PPP1R37: variants seen among roughly 807,000 people sequenced by gnomAD.
The protein encoded by PPP1R37 is leucine rich repeat containing 68.
PPP1R37 carries 21 observed loss-of-function variants against 61.0 expected under a neutral mutation model. That is an observed-to-expected ratio of 0.34 (90% CI 0.24 to 0.50). The LOEUF is 0.50. Ranked by LOEUF, PPP1R37 falls within the 20% of genes least tolerant of loss-of-function variation. The pLI is 0.98. For synonymous variants in PPP1R37, 443 were observed against 433.5 expected, an observed-to-expected ratio of 1.02 and a Z score of -0.27; for missense variants, 910 against 952.7, an observed-to-expected ratio of 0.96 and a Z score of 0.59.
intron 1 of PPP1R37, among the ~76,000 whole-genome samples, chr19:45,119,445 G>T (rs969770544): frequency 6.6e-6 from 1 of 152,128 alleles, no homozygotes; most frequent in African/African-American, 2.4e-5. Context: ...GAGCCACGGT[G>T]CCTGGCCCGT....
At chr19:45,096,965 C>A (rs912943893) in intron 1 of PPP1R37, among the ~76,000 whole-genome samples, 1 of 151,672 alleles carries the variant, frequency 6.6e-6, no homozygotes. Flanking sequence ...AAGGGATTTG[C>A]AGGACAGAAA....
chr19:45,133,523 G>A (rs567170239), intron 1 of PPP1R37, among the ~76,000 whole-genome samples: 1 of 152,338 alleles, frequency 6.6e-6, no homozygotes, highest in South Asian at 2.1e-4. Context: ...GGCCACAGCT[G>A]TGCCCTAACC....
rs1037191621 is a variant in PPP1R37, at chr19:45,130,555, C to T, written c.203-7959C>T. On this transcript the variant is annotated intron_variant, in intron 1 of 12. Coordinates refer to ENST00000221462, the MANE Select transcript of PPP1R37 (RefSeq NM_019121.2). This position sits in a 1 kb window ranked among gnomAD's most constrained non-coding sequence, Gnocchi z 4.4. The stretch of plus-strand genomic sequence containing the variant: ...CTGAATGAAGACCCAGACCTGAGCC[C>T]GGTGGGGCCTCTGGGAACACTCCTT... Among the ~76,000 whole-genome samples, 21 of 152,248 alleles carry T rather than the reference C, an allele frequency of 1.4e-4. No individual in the cohort carries two copies. Among genetic ancestry groups the T allele is most frequent in the Admixed American group, 2.6e-4 (4 of 15,304 alleles).
Position 45,130,929 on chromosome 19 carries a change from C to T in PPP1R37, c.203-7585C>T, listed in dbSNP as rs1440908541. Among the ~76,000 whole-genome samples, 2 of 152,130 alleles carry T rather than the reference C, an allele frequency of 1.3e-5. No individual in the cohort carries two copies. Among genetic ancestry groups the T allele is most frequent in the African/African-American group, 4.8e-5 (2 of 41,418 alleles). On this transcript the variant is annotated intron_variant, in intron 1 of 12. Coordinates refer to ENST00000221462, the MANE Select transcript of PPP1R37 (RefSeq NM_019121.2). This position sits in a 1 kb window ranked among gnomAD's most constrained non-coding sequence, Gnocchi z 4.4. ...AGAGTTGACACCCTCCCACTGTGTC[C>T]CCCAGCCCGCACAGTGTTGCTTCCT...
chr19:45,134,584 A>G (rs533981263), intron 1 of PPP1R37, among the ~76,000 whole-genome samples: 13 of 148,540 alleles, frequency 8.8e-5, no homozygotes, highest in South Asian at 4.3e-4. Context: ...TTCTTGAGAC[A>G]GAGTCACTCT....
Position 45,140,791 on chromosome 19 carries a change from C to A in PPP1R37, c.447+185C>A, listed in dbSNP as rs916063525. 1.5e-5 allele frequency: 9 copies of A among 590,084 alleles called. No homozygotes were observed. The East Asian group carries it at 2.2e-4, about 15-fold the overall frequency. 36.6% of individuals were successfully genotyped at this position (590,084 alleles called of 1,614,324 possible). Reference sequence around the variant, plus strand: ...ATATGACCAGAGTGGATGTGGAGGGCGCGTTGGGGCACCTATGGCCCACCC... The same window carrying A: ...ATATGACCAGAGTGGATGTGGAGGGAGCGTTGGGGCACCTATGGCCCACCC... On this transcript the variant is annotated intron_variant, in intron 4 of 12. Transcript: ENST00000221462.
At chr19:45,111,361 G>A (rs1217948249) in intron 1 of PPP1R37, among the ~76,000 whole-genome samples, 4 of 151,978 alleles carry the variant, frequency 2.6e-5, no homozygotes, top group Non-Finnish European at 5.9e-5. Context: ...CACAACTTCT[G>A]CCTCCCGGGT....
At chr19:45,135,116 C>T (rs1472137574) in intron 1 of PPP1R37, among the ~76,000 whole-genome samples, 2 of 152,142 alleles carry the variant, frequency 1.3e-5, no homozygotes, top group African/African-American at 4.8e-5. Flanking sequence ...GGTGTGGTGG[C>T]GTGTGCCTGT....
In PPP1R37 at chr19:45,093,284, G is replaced by A. The variant is rs1338950135; in HGVS notation, c.-42G>A. On this transcript the variant is annotated 5_prime_UTR_variant, in exon 1 of 13. Coordinates refer to ENST00000221462, the MANE Select transcript of PPP1R37 (RefSeq NM_019121.2). ...ACCCGGAGAGACAAATCCGGGGCCC[G>A]GGGCATGTCCCCGGGGCCCCCGTGA... 7.4e-7 allele frequency: 1 copy of A among 1,344,318 alleles called. No individual in the cohort carries two copies. The highest frequency in any genetic ancestry group is 3.8e-5 in the Admixed American group (1 of 26,356). 83.3% of individuals were successfully genotyped at this position (1,344,318 alleles called of 1,614,324 possible). A position where few individuals can be genotyped will look rare whatever the true frequency, so the allele number is the denominator to read the frequency against.
chr19:45,127,352 CAAAAAAAAAAAAAAA>C (rs11295552), intron 1 of PPP1R37, among the ~76,000 whole-genome samples: 1 of 69,680 alleles, frequency 1.4e-5, no homozygotes, highest in African/African-American at 4.9e-5. Context: ...AACTCCATCT[CAAAAAAAAAAAAAAA>C]AAAAAAAAAC....
At chr19:45,105,229 A>AGAG (rs934955586) in intron 1 of PPP1R37, among the ~76,000 whole-genome samples, 6 of 152,190 alleles carry the variant, frequency 3.9e-5, no homozygotes, top group Admixed American at 1.3e-4. Context: ...AAGTGGGCAG[A>AGAG]GAGGAGGAGG....
In PPP1R37 at chr19:45,093,550, G is replaced by C. The variant is rs1210400087; in HGVS notation, c.202+23G>C. 12 of 1,522,662 alleles carry C rather than the reference G, an allele frequency of 7.9e-6. No homozygotes were observed. In the East Asian group the frequency reaches 1.7e-4, roughly 22 times the overall value. The allele number at this position is 1,522,662 out of a possible 1,614,324, so 94.3% of individuals were successfully genotyped here. A position where few individuals can be genotyped will look rare whatever the true frequency, so the allele number is the denominator to read the frequency against. ...ATGGTAGCTACCGCGGGTGAAGCGG[G>C]GGCGGGCTCGAGAGGGACCCGGGAG... On this transcript the variant is annotated intron_variant, in intron 1 of 12. Coordinates refer to ENST00000221462, the MANE Select transcript of PPP1R37 (RefSeq NM_019121.2).
chr19:45,117,753 G>A (rs1473724269), intron 1 of PPP1R37, among the ~76,000 whole-genome samples: 1 of 152,218 alleles, frequency 6.6e-6, no homozygotes, highest in East Asian at 1.9e-4. Context: ...CCGAGCAAAG[G>A]CTTAGGGCAG....
intron 1 of PPP1R37, among the ~76,000 whole-genome samples, chr19:45,112,560 T>TG (rs1161884034): frequency 1.3e-5 from 2 of 152,280 alleles, no homozygotes; most frequent in East Asian, 1.9e-4. Flanking sequence ...AGTTATGTTC[T>TG]GGGGGGCAAT....
At chr19:45,117,380 A>G (rs1235620523) in intron 1 of PPP1R37, among the ~76,000 whole-genome samples, 1 of 152,150 alleles carries the variant, frequency 6.6e-6, no homozygotes, top group Admixed American at 6.5e-5. Flanking sequence ...GCCGAGGGTG[A>G]GCCCCGGTGG....
intron 1 of PPP1R37, among the ~76,000 whole-genome samples, chr19:45,116,078 A>G (rs980800205): frequency 3.3e-5 from 5 of 152,118 alleles, no homozygotes; most frequent in African/African-American, 1.2e-4. Context: ...GCTTTCATCC[A>G]AGCCTGCCAT....
At chr19:45,094,944 G>A (rs556007226) in intron 1 of PPP1R37, among the ~76,000 whole-genome samples, 3 of 152,214 alleles carry the variant, frequency 2.0e-5, no homozygotes, top group Admixed American at 6.5e-5. Context: ...ATGCAGGGCA[G>A]TGTTGAGTCC....
Position 45,130,649 on chromosome 19 carries a change from G to A in PPP1R37, c.203-7865G>A, listed in dbSNP as rs900010100. On this transcript the variant is annotated intron_variant, in intron 1 of 12. Transcript: ENST00000221462. The surrounding 1 kb of genome is among the most constrained non-coding windows in gnomAD (Gnocchi z 4.4). ...AACAAAATAACACCTGCATTGCAAA[G>A]CGTGGTTATTCTGAGCCTGGTTGCC... Among the ~76,000 whole-genome samples, 1 of 152,176 alleles carries A rather than the reference G, an allele frequency of 6.6e-6. No homozygotes were observed. The highest frequency in any genetic ancestry group is 2.4e-5 in the African/African-American group (1 of 41,428).
rs1322631666 is a variant in PPP1R37, at chr19:45,093,509, A to C, written c.184A>C (p.Lys62Gln). 3.3e-6 allele frequency: 5 copies of C among 1,535,058 alleles called. No individual in the cohort carries two copies. Among genetic ancestry groups the C allele is most frequent in the Non-Finnish European group, 4.4e-6 (5 of 1,146,534 alleles). The change falls in exon 1 of 13, where the codon AAA becomes CAA. Residue 62 changes from lysine (K) to glutamine (Q), a missense_variant. Physicochemically the swap from Lys to Gln is moderately conservative, Grantham distance 53. This residue lies in a region of PPP1R37 where 280 missense variants were observed against 382.2 expected (regional missense o/e 0.73). Coordinates refer to ENST00000221462, the MANE Select transcript of PPP1R37 (RefSeq NM_019121.2). ...TATCGTGTCTGGAGCAGTGGAGCCC[A>C]AAGACCCCTGGAGACATGGTAGCTA... is the stretch of plus-strand genomic sequence containing the variant. ...EDIVSGAVEP[K>Q]DPWRHAQNVT... is the part of the protein sequence containing the mutation.
Sources: allele counts gnomAD v4.1 joint callset (sites outside exome capture counted in the v4.1 genomes callset), GRCh38; gene constraint gnomAD v4.1.1; regional missense constraint gnomAD v4.1.1; non-coding constraint Gnocchi (gnomAD v3.1); transcripts MANE v1.5; gene names NCBI Gene and HGNC (gene_info 2026-07-23, HGNC 2026-07-21).